The following SPAG16 variants were observed in gnomAD, a reference collection of about 807,000 sequenced individuals.
The protein encoded by SPAG16 is sperm associated antigen 16, also known as sperm-associated antigen 16 protein.
A neutral mutation model predicts 80.4 loss-of-function variants in SPAG16; 86 were observed. That is an observed-to-expected ratio of 1.07 (90% confidence interval 0.90 to 1.28). The LOEUF (loss-of-function observed/expected upper bound fraction) is 1.28. Among genes scored for constraint, SPAG16 ranks in the 50% most tolerant of loss-of-function variants. SPAG16 has a pLI of 0.00. For synonymous variants in SPAG16, 294 were observed against 265.9 expected (o/e 1.11, Z -1.03); for missense variants, 870 against 765.3 (o/e 1.14, Z -1.61).
intron 9 of SPAG16, chr2:213,422,385 A>G: frequency 1.5e-6 from 1 of 666,566 alleles, no homozygotes; most frequent in Middle Eastern, 3.8e-4. Context: ...GCCCCACTGC[A>G]GCAGCTGGCA....
intron 10 of SPAG16, among the ~76,000 whole-genome samples, chr2:213,845,471 C>T (rs1196038079): frequency 6.6e-6 from 1 of 152,194 alleles, no homozygotes; most frequent in Non-Finnish European, 1.5e-5. Flanking sequence ...GCTGGGATTA[C>T]AGGTGTGAGC....
chr2:213,924,323 G>C (rs1011887028), intron 11 of SPAG16, among the ~76,000 whole-genome samples: 7 of 152,194 alleles, frequency 4.6e-5, no homozygotes, highest in Non-Finnish European at 8.8e-5. Flanking sequence ...TCCCAGTCTT[G>C]TACAGGTCTC....
intron 7 of SPAG16, among the ~76,000 whole-genome samples, chr2:213,355,855 T>C (rs145153112): frequency 6.6e-6 from 1 of 152,332 alleles, no homozygotes; most frequent in East Asian, 1.9e-4. Context: ...ATCCCCTTTA[T>C]TTCTTTCTCT....
At chr2:214,034,860 G>T (rs1202624902) in intron 13 of SPAG16, among the ~76,000 whole-genome samples, 2 of 152,194 alleles carry the variant, frequency 1.3e-5, no homozygotes, top group Admixed American at 1.3e-4. Context: ...GGCAAGCAAG[G>T]GCCATGTTTT....
chr2:213,340,308 A>AACTC, intron 6 of SPAG16, 38 bp downstream of exon 6: 13 of 1,281,032 alleles, frequency 1.0e-5, no homozygotes, highest in Non-Finnish European at 1.4e-5. Flanking sequence ...TTAAAGAGTT[A>AACTC]TTTAATACAT....
chr2:213,428,182 G>A (rs2070063604), intron 9 of SPAG16, among the ~76,000 whole-genome samples: 2 of 152,156 alleles, frequency 1.3e-5, no homozygotes. Context: ...AAGGTAAGTG[G>A]GCAGCCTGTG....
intron 12 of SPAG16, among the ~76,000 whole-genome samples, chr2:213,934,753 T>C (rs1255565709): frequency 6.6e-6 from 1 of 152,210 alleles, no homozygotes; most frequent in Non-Finnish European, 1.5e-5. Flanking sequence ...TGCCCCCTTG[T>C]GGTGGAATGG....
intron 12 of SPAG16, among the ~76,000 whole-genome samples, chr2:213,996,954 A>G (rs150758578): frequency 1.9e-3 from 285 of 152,238 alleles, no homozygotes; most frequent in African/African-American, 6.6e-3. Context: ...CTTATATGTT[A>G]TATTCTTGTT....
At chr2:213,804,107 A>T (rs2071590135) in intron 10 of SPAG16, among the ~76,000 whole-genome samples, 2 of 152,208 alleles carry the variant, frequency 1.3e-5, no homozygotes, top group South Asian at 4.1e-4. Context: ...CCTATTATAG[A>T]TCAAGTAGTG....
chr2:214,360,607 G>GCAGTTATATACTTAATTA (rs1699122589), intron 15 of SPAG16, among the ~76,000 whole-genome samples: 1 of 151,788 alleles, frequency 6.6e-6, no homozygotes, highest in Non-Finnish European at 1.5e-5. Context: ...TAGTCCACTA[G>GCAGTTATATACTTAATTA]GGCCAAAACT....
intron 12 of SPAG16, among the ~76,000 whole-genome samples, chr2:214,004,960 C>T (rs6719232): frequency 0.26 from 39,024 of 152,000 alleles, 5,845 homozygotes; most frequent in South Asian, 0.56. Flanking sequence ...CGTATTTTCA[C>T]ATTGTTGTTA....
At chr2:213,644,200 A>G (rs1031687262) in intron 10 of SPAG16, among the ~76,000 whole-genome samples, 1 of 151,730 alleles carries the variant, frequency 6.6e-6, no homozygotes, top group African/African-American at 2.4e-5. Context: ...CTTTTTAATT[A>G]TTTCAATCTC....
chr2:213,314,801 C>T (rs1436946225), intron 4 of SPAG16, among the ~76,000 whole-genome samples: 1 of 151,730 alleles, frequency 6.6e-6, no homozygotes, highest in African/African-American at 2.4e-5. Context: ...CAGAAAAAGC[C>T]TATGTCTTCT....
Position 214,059,218 on chromosome 2 carries a change from A to ATG in SPAG16, c.1527+45145_1527+45146dup, listed in dbSNP as rs1210800057. 2.6e-3 allele frequency among the ~76,000 whole-genome samples: 208 copies of ATG among 80,578 alleles called. No homozygotes were observed. In the East Asian group the frequency reaches 0.051, roughly 20 times the overall value. The allele number at this position is 80,578 out of a possible 152,430, so 52.9% of individuals were successfully genotyped here. ...TATATATATATATATATATATATGT[A>ATG]TGTGTATATATATATATATATATGT... On this transcript the variant is annotated intron_variant, in intron 13 of 15. Transcript: ENST00000331683.
intron 15 of SPAG16, among the ~76,000 whole-genome samples, chr2:214,303,917 G>A (rs1576728122): frequency 6.6e-6 from 1 of 152,080 alleles, no homozygotes; most frequent in African/African-American, 2.4e-5. Context: ...AGGTAAACTT[G>A]TATCATGGTG....
At chr2:213,670,909 C>T (rs1311187656) in intron 10 of SPAG16, among the ~76,000 whole-genome samples, 5 of 152,208 alleles carry the variant, frequency 3.3e-5, no homozygotes, top group South Asian at 2.1e-4. Context: ...CACTCTCACA[C>T]GATAAGCCAA....
At chr2:213,987,193 T>C (rs1469831327) in intron 12 of SPAG16, among the ~76,000 whole-genome samples, 1 of 152,132 alleles carries the variant, frequency 6.6e-6, no homozygotes, top group African/African-American at 2.4e-5. Flanking sequence ...TCATTCAGTT[T>C]AGTCTAAACT....
In SPAG16 at chr2:214,174,828, C is replaced by T. The variant is rs145772505; in HGVS notation, c.1720+25562C>T. ...GAAAGCTTTCTTCATCACTTTTGCACGAATCTAAAATAAATATTTTCCACT... is the reference window on the plus strand; with the variant it reads ...GAAAGCTTTCTTCATCACTTTTGCATGAATCTAAAATAAATATTTTCCACT... On this transcript the variant is annotated intron_variant, in intron 15 of 15. Coordinates refer to ENST00000331683, the MANE Select transcript of SPAG16 (RefSeq NM_024532.5). Among the ~76,000 whole-genome samples the T allele has an allele frequency of 6.5e-4, 98 of 151,690 alleles. 1 individual carries two copies. In the East Asian group the frequency reaches 0.017, roughly 26 times the overall value.
intron 10 of SPAG16, among the ~76,000 whole-genome samples, chr2:213,655,472 C>T (rs2063186313): frequency 6.6e-6 from 1 of 152,094 alleles, no homozygotes; most frequent in Non-Finnish European, 1.5e-5. Context: ...ACTGTTTTAC[C>T]TAGTGACAAT....
Sources: gnomAD v4.1 joint callset for allele counts (sites outside exome capture counted in the v4.1 genomes callset) on GRCh38, gnomAD v4.1.1 for gene constraint, MANE v1.5 for transcripts, NCBI Gene and HGNC (gene_info 2026-07-23, HGNC 2026-07-21) for gene names.